MYBPC2: variants seen among roughly 807,000 people sequenced by gnomAD.
The protein encoded by MYBPC2 is myosin-binding protein C, fast-type.
MYBPC2 carries 122 observed loss-of-function variants against 137.0 expected under a neutral mutation model. That is an observed-to-expected ratio of 0.89 (90% CI 0.77 to 1.03). The LOEUF (loss-of-function observed/expected upper bound fraction) is 1.03, where lower values mean the gene tolerates loss of function less well. Ranked by LOEUF, MYBPC2 falls within the 50% of genes least tolerant of loss-of-function variation. The pLI is 0.00. For synonymous variants in MYBPC2, 626 were observed against 612.3 expected (o/e 1.02, Z -0.33); for missense variants, 1,500 against 1,534.4 (o/e 0.98, Z 0.37).
chr19:50,455,650 T>A lies in MYBPC2; in HGVS notation c.2338+6T>A. The A allele has an allele frequency of 6.2e-7, 1 of 1,613,288 alleles. No individual in the cohort carries two copies. Among genetic ancestry groups the A allele is most frequent in the Non-Finnish European group, 8.5e-7 (1 of 1,179,606 alleles). On this transcript the variant is annotated splice_donor_region_variant and intron_variant, in intron 20 of 27. Coordinates refer to ENST00000357701, the MANE Select transcript of MYBPC2 (RefSeq NM_004533.4). ...GGAGTACTGCCTGGAAGGCTGTGAG[T>A]GACCCTGGCAGGGCTGGTGGGGGTG...
intron 22 of MYBPC2, 50 bp downstream of exon 22, chr19:50,459,056 C>T: frequency 6.4e-7 from 1 of 1,564,478 alleles, no homozygotes; most frequent in Non-Finnish European, 8.7e-7. Context: ...CCGCAAGCCC[C>T]CTTTTTGCGG....
intron 16 of MYBPC2, among the ~76,000 whole-genome samples, chr19:50,452,931 C>T (rs1048430433): frequency 1.3e-5 from 2 of 151,922 alleles, no homozygotes; most frequent in African/African-American, 2.4e-5. Flanking sequence ...TGGGACAGCT[C>T]GATTTTTCAT....
chr19:50,451,467 G>A (rs1266942229), intron 15 of MYBPC2, among the ~76,000 whole-genome samples, 158 bp downstream of exon 15: 1 of 126,506 alleles, frequency 7.9e-6, no homozygotes, highest in Non-Finnish European at 1.7e-5. Context: ...GGGTGCTGAG[G>A]AAGGGAGGGA....
intron 4 of MYBPC2, 150 bp from the exon 5 acceptor site, chr19:50,436,467 A>G (rs1418854414): frequency 2.6e-6 from 2 of 764,360 alleles, no homozygotes; most frequent in African/African-American, 3.5e-5. Flanking sequence ...AGAGCTGGCC[A>G]CCAGGTGCTG....
intron 1 of MYBPC2, among the ~76,000 whole-genome samples, chr19:50,433,424 A>G (rs187967382): frequency 0.049 from 5,861 of 119,494 alleles, 179 homozygotes; most frequent in Middle Eastern, 0.074. Flanking sequence ...TTTTTTTTTG[A>G]GATGGAGTCT....
Position 50,435,239 on chromosome 19 carries a change from A to T in MYBPC2, c.98A>T (p.Glu33Val). ...GCTCCCCCTAAGGAGGCTCCTGCAG[A>T]GGCCCCCAAAGGTGAGGAGGTGCTC... ...KEAPPKEAPA[E>V]APKEAPPEDQ... is the part of the protein sequence containing the mutation. The change falls in exon 2 of 28, where the codon GAG becomes GTG. Residue 33 changes from glutamate (E) to valine (V), a missense_variant. Physicochemically the swap from Glu to Val is moderately radical, Grantham distance 121 (BLOSUM62 -2). Transcript: ENST00000357701. The surrounding 1 kb of genome is among the most constrained non-coding windows in gnomAD (Gnocchi z 4.8). The T allele has an allele frequency of 8.0e-7, 1 of 1,246,962 alleles. No homozygotes were observed. The highest frequency in any genetic ancestry group is 1.2e-6 in the Non-Finnish European group (1 of 857,366). 77.2% of individuals were successfully genotyped at this position (1,246,962 alleles called of 1,614,324 possible). A position where few individuals can be genotyped will look rare whatever the true frequency, so the allele number is the denominator to read the frequency against.
At chr19:50,456,328 CCA>C (rs1467212018) in intron 20 of MYBPC2, among the ~76,000 whole-genome samples, 25 of 151,532 alleles carry the variant, frequency 1.6e-4, no homozygotes, top group Non-Finnish European at 1.6e-4. Context: ...GTCCATCCAT[CCA>C]TCCGTCTGTC....
chr19:50,443,389 C>T, intron 9 of MYBPC2, 105 bp from the exon 10 acceptor site: 1 of 1,373,400 alleles, frequency 7.3e-7, no homozygotes, highest in Non-Finnish European at 9.8e-7. Context: ...CAATTTGGCT[C>T]TGAGAGAGAG....
At chr19:50,464,264 G>T in intron 26 of MYBPC2, 82 bp from the exon 27 acceptor site, 1 of 1,314,666 alleles carries the variant, frequency 7.6e-7, no homozygotes, top group Middle Eastern at 1.9e-4. Context: ...CTAGAACCCA[G>T]ATCGGCTTCC....
At chr19:50,457,670 C>T (rs972523595) in intron 20 of MYBPC2, among the ~76,000 whole-genome samples, 1 of 145,070 alleles carries the variant, frequency 6.9e-6, no homozygotes, top group Non-Finnish European at 1.5e-5. Flanking sequence ...AGCCATGGTA[C>T]CTGGGGAAAG....
At chr19:50,460,203 G>T in intron 24 of MYBPC2, 24 bp downstream of exon 24, 1 of 1,587,648 alleles carries the variant, frequency 6.3e-7, no homozygotes. Context: ...GGGGGAGATG[G>T]GGAAGAGCCG....
At chr19:50,442,341 C>T (rs1252982477) in intron 9 of MYBPC2, 28 bp downstream of exon 9, 6 of 1,601,792 alleles carry the variant, frequency 3.7e-6, no homozygotes, top group Middle Eastern at 1.7e-4. Flanking sequence ...AGTCCCTGCA[C>T]CGGGGAGATC....
intron 24 of MYBPC2, among the ~76,000 whole-genome samples, chr19:50,460,599 G>A (rs2039963184): frequency 6.6e-6 from 1 of 152,206 alleles, no homozygotes; most frequent in South Asian, 2.1e-4. Context: ...TGGAATCCTA[G>A]CTATGTGACC....
In MYBPC2 at chr19:50,441,704, G is replaced by C. The variant is rs150693257; in HGVS notation, c.770-477G>C. ...AAAATACAAAAGTCAGCCGGGCATG[G>C]TGGTGTGCACCTGTAATCCCAGCAA... is the stretch of plus-strand genomic sequence containing the variant. On this transcript the variant is annotated intron_variant, in intron 8 of 27. Transcript: ENST00000357701. 7.1e-3 allele frequency among the ~76,000 whole-genome samples: 1,076 copies of C among 152,170 alleles called. 12 individuals are homozygous for C. The highest frequency in any genetic ancestry group is 0.024 in the African/African-American group (1,006 of 41,496).
At chr19:50,457,782 C>A (rs934795532) in intron 20 of MYBPC2, among the ~76,000 whole-genome samples, 1 of 148,638 alleles carries the variant, frequency 6.7e-6, no homozygotes, top group Non-Finnish European at 1.5e-5. Context: ...CAGGTTCAAG[C>A]GATTCTCCTG....
rs1462991168 is a variant in MYBPC2, at chr19:50,436,650, G to T, written c.379G>T (p.Val127Leu). The change falls in exon 5 of 28, where the codon GTA (valine) becomes TTA (leucine). Residue 127 changes from valine to leucine, a missense_variant. Physicochemically the swap from Val to Leu is conservative, Grantham distance 32. Coordinates refer to ENST00000357701, the MANE Select transcript of MYBPC2 (RefSeq NM_004533.4). ...CGTGGAGCTGCACATTGGGAAGGTG[G>T]TACTGGGGGACCGTGGGTATTACCG... Reference protein sequence around the residue: ...YTVELHIGKVVLGDRGYYRLE... With the variant: ...YTVELHIGKVLLGDRGYYRLE... 2.5e-6 allele frequency: 4 copies of T among 1,613,982 alleles called. No individual in the cohort carries two copies. The highest frequency in any genetic ancestry group is 1.3e-5 in the African/African-American group (1 of 75,048).
At chr19:50,463,494 T>G (rs1179444250) in intron 26 of MYBPC2, among the ~76,000 whole-genome samples, 1 of 151,806 alleles carries the variant, frequency 6.6e-6, no homozygotes, top group Non-Finnish European at 1.5e-5. Context: ...TTTACAGCAC[T>G]GTTTCGTGCT....
intron 13 of MYBPC2, among the ~76,000 whole-genome samples, chr19:50,449,512 G>T (rs764354294): frequency 1.3e-5 from 2 of 152,242 alleles, no homozygotes; most frequent in Non-Finnish European, 2.9e-5. Context: ...AGTCTGTTGG[G>T]CAAGGAAAGT....
At position 50,443,777 on chromosome 19, in the gene MYBPC2, T is replaced by C; in HGVS notation, c.1094T>C (p.Met365Thr). The C allele has an allele frequency of 6.2e-7, 1 of 1,613,854 alleles. No individual in the cohort carries two copies. Among genetic ancestry groups the C allele is most frequent in the Non-Finnish European group, 8.5e-7 (1 of 1,179,834 alleles). ...GTGTTTGTGGGTGACCGGGTGGAAA[T>C]GGCAGTGGAGGTGTCAGAAGAGGGT... ...QQVFVGDRVE[M>T]AVEVSEEGAQ... Residue 365 changes from methionine (M) to threonine (T), a missense_variant, in exon 11 of 28, where the codon ATG (methionine) becomes ACG (threonine). Coordinates refer to ENST00000357701, the MANE Select transcript of MYBPC2 (RefSeq NM_004533.4).
Sources: gnomAD v4.1 joint callset for allele counts (sites outside exome capture counted in the v4.1 genomes callset) on GRCh38, gnomAD v4.1.1 for gene constraint, Gnocchi (gnomAD v3.1) non-coding constraint, MANE v1.5 for transcripts, NCBI Gene and HGNC (gene_info 2026-07-23, HGNC 2026-07-21) for gene names.